The following UBE2W variants were observed in gnomAD, a reference collection of about 807,000 sequenced individuals.
UBE2W encodes the protein ubiquitin conjugating enzyme E2 W, also known as ubiquitin-conjugating enzyme E2 W.
UBE2W carries 18 observed loss-of-function variants against 27.2 expected under a neutral mutation model. The ratio of observed to expected loss-of-function variants is 0.66; its 90% CI spans 0.46 to 0.98. The LOEUF (loss-of-function observed/expected upper bound fraction) is 0.98, where lower values mean the gene tolerates loss of function less well. Ranked by LOEUF, UBE2W falls within the 50% of genes least tolerant of loss-of-function variation. The pLI, the probability that UBE2W is intolerant of heterozygous loss-of-function variation, is 0.00. For missense variants in UBE2W, 90 were observed against 180.2 expected (o/e 0.50, Z 2.87); for synonymous variants, 53 against 57.2 (o/e 0.93, Z 0.33).
At chr8:73,856,995 C>T (rs1811329028) in intron 1 of UBE2W, among the ~76,000 whole-genome samples, 1 of 152,198 alleles carries the variant, frequency 6.6e-6, no homozygotes, top group Admixed American at 6.5e-5. Context: ...ACGTGAGCCA[C>T]CATGCCCAGC....
chr8:73,875,247 C>T (rs574325163), intron 1 of UBE2W, among the ~76,000 whole-genome samples: 1 of 152,178 alleles, frequency 6.6e-6, no homozygotes, highest in African/African-American at 2.4e-5. Context: ...GCGTCCCCAG[C>T]ATTTACAGGT....
chr8:73,851,530 G>C (rs1811079453), intron 1 of UBE2W, among the ~76,000 whole-genome samples: 1 of 152,026 alleles, frequency 6.6e-6, no homozygotes, highest in South Asian at 2.1e-4. Flanking sequence ...TTGGGACAGT[G>C]ATTTTTCTTT....
chr8:73,850,814 T>C (rs1811045665), intron 1 of UBE2W, among the ~76,000 whole-genome samples: 1 of 151,840 alleles, frequency 6.6e-6, no homozygotes. Context: ...GTGAATATTT[T>C]ATAAATATTC....
At chr8:73,878,542 T>A (rs913814985) in intron 1 of UBE2W, among the ~76,000 whole-genome samples, 3 of 152,142 alleles carry the variant, frequency 2.0e-5, no homozygotes, top group Admixed American at 6.5e-5. Context: ...AACGCCAGAC[T>A]TTGCCCTTTC....
chr8:73,873,722 A>G (rs1422555627), intron 1 of UBE2W, among the ~76,000 whole-genome samples: 2 of 152,222 alleles, frequency 1.3e-5, no homozygotes, highest in African/African-American at 4.8e-5. Flanking sequence ...TCTGAAAATA[A>G]GCACACATTC....
chr8:73,867,605 G>C (rs140778174), intron 1 of UBE2W, among the ~76,000 whole-genome samples: 2,107 of 151,962 alleles, frequency 0.014, 25 homozygotes, highest in Admixed American at 0.021. Flanking sequence ...CAGCTACTCA[G>C]GAGGCTGAGG....
At chr8:73,828,203 G>T (rs1013078978) in intron 2 of UBE2W, among the ~76,000 whole-genome samples, 2 of 152,094 alleles carry the variant, frequency 1.3e-5, no homozygotes, top group African/African-American at 2.4e-5. Context: ...TTAAGCATTA[G>T]AATTTTTTTT....
chr8:73,795,805 T>C (rs929427984), intron 5 of UBE2W: 112 of 984,550 alleles, frequency 1.1e-4, no homozygotes, highest in Non-Finnish European at 1.3e-4. Context: ...TTCTTGGCAA[T>C]GCAAAGTGGC....
chr8:73,877,102 T>C (rs569669872), intron 1 of UBE2W, among the ~76,000 whole-genome samples: 1 of 152,386 alleles, frequency 6.6e-6, no homozygotes, highest in Non-Finnish European at 1.5e-5. Context: ...ACAAGTGTTG[T>C]GGATTTTAAT....
rs561078398 is a variant in UBE2W at position 73,786,875 on chromosome 8, C to T, written c.*7227G>A. Reference sequence around the variant, plus strand: ...GGATGGGAATGTCATTAAATTATAACAGGATAAAAGAAATATGTTTTCATT... The same window carrying T: ...GGATGGGAATGTCATTAAATTATAATAGGATAAAAGAAATATGTTTTCATT... On this transcript the variant is annotated 3_prime_UTR_variant, in exon 6 of 6. Transcript: ENST00000602593. 1 of 985,158 alleles carries T rather than the reference C, an allele frequency of 1.0e-6. No individual in the cohort carries two copies. Among genetic ancestry groups the T allele is most frequent in the Admixed American group, 6.1e-5 (1 of 16,262 alleles). 61.0% of individuals were successfully genotyped at this position (985,158 alleles called of 1,614,324 possible).
intron 4 of UBE2W, among the ~76,000 whole-genome samples, chr8:73,808,146 C>A (rs1334990046): frequency 1.3e-5 from 2 of 152,164 alleles, no homozygotes; most frequent in Non-Finnish European, 2.9e-5. Context: ...GTAGAATTAA[C>A]AAAGTAAAGC....
intron 1 of UBE2W, among the ~76,000 whole-genome samples, chr8:73,846,423 CT>C (rs1810801953): frequency 6.6e-6 from 1 of 152,072 alleles, no homozygotes; most frequent in Admixed American, 6.5e-5. Context: ...AGAAAAAACT[CT>C]TTGGGGCAGA....
Position 73,791,681 on chromosome 8 carries a change from T to C in UBE2W, c.*2421A>G, listed in dbSNP as rs1808208008. 1 of 985,222 alleles carries C rather than the reference T, an allele frequency of 1.0e-6. No homozygotes were observed. 61.0% of individuals were successfully genotyped at this position (985,222 alleles called of 1,614,324 possible). Reference sequence around the variant, plus strand: ...AAATTAAATCTAAGTGCAAGGAGTTTTCAATGATTCCTAAATTCAAGAGAG... The same window carrying C: ...AAATTAAATCTAAGTGCAAGGAGTTCTCAATGATTCCTAAATTCAAGAGAG... On this transcript the variant is annotated 3_prime_UTR_variant, in exon 6 of 6. Coordinates refer to ENST00000602593, the MANE Select transcript of UBE2W (RefSeq NM_018299.6).
At chr8:73,840,728 G>C (rs576769620) in intron 1 of UBE2W, among the ~76,000 whole-genome samples, 7 of 152,098 alleles carry the variant, frequency 4.6e-5, no homozygotes, top group African/African-American at 1.7e-4. Flanking sequence ...CCGCATACAG[G>C]TAAGTCAACT....
At position 73,792,566 on chromosome 8, in the gene UBE2W, C is replaced by CA; in HGVS notation, c.*1535dup. ...ACTGGGGTACGTATTTCAAACCTTT[C>CA]AGCCAACTGGCTTTCAGTTTTAAGC... On this transcript the variant is annotated 3_prime_UTR_variant, in exon 6 of 6. Coordinates refer to ENST00000602593, the MANE Select transcript of UBE2W (RefSeq NM_018299.6). 6.1e-6 allele frequency: 6 copies of CA among 985,716 alleles called. No homozygotes were observed. The highest frequency in any genetic ancestry group is 7.2e-6 in the Non-Finnish European group (6 of 829,816). 61.1% of individuals were successfully genotyped at this position (985,716 alleles called of 1,614,324 possible). A position where few individuals can be genotyped will look rare whatever the true frequency, so the allele number is the denominator to read the frequency against.
In UBE2W at chr8:73,870,894, G is replaced by C. The variant is rs1376604351; in HGVS notation, c.15+7914C>G. ...ATGTGTGAGAAGAGCATTCCAAATA[G>C]AGAAAACAACAAGCAGGAGTAGCAA... On this transcript the variant is annotated intron_variant, in intron 1 of 5. Coordinates refer to ENST00000602593, the MANE Select transcript of UBE2W (RefSeq NM_018299.6). 2.0e-5 allele frequency among the ~76,000 whole-genome samples: 3 copies of C among 149,182 alleles called. No homozygotes were observed. The Admixed American group carries it at 2.0e-4, about 10-fold the overall frequency.
At chr8:73,869,482 G>A (rs76618238) in intron 1 of UBE2W, among the ~76,000 whole-genome samples, 2 of 152,318 alleles carry the variant, frequency 1.3e-5, no homozygotes, top group African/African-American at 4.8e-5. Flanking sequence ...CTTGAGGTCA[G>A]AAGTAAGAGA....
In UBE2W at chr8:73,792,387, T is replaced by C. The variant is rs1808241622; in HGVS notation, c.*1715A>G. ...AGTTATTTCTATAGCAGACATATTT[T>C]TGAAGTCTACCCACCCCTGAGTTCA... On this transcript the variant is annotated 3_prime_UTR_variant, in exon 6 of 6. Coordinates refer to ENST00000602593, the MANE Select transcript of UBE2W (RefSeq NM_018299.6). 1.0e-6 allele frequency: 1 copy of C among 985,598 alleles called. No homozygotes were observed. The highest frequency in any genetic ancestry group is 1.7e-5 in the African/African-American group (1 of 57,234). The allele number at this position is 985,598 out of a possible 1,614,324, so 61.1% of individuals were successfully genotyped here.
At chr8:73,855,451 G>T (rs989900115) in intron 1 of UBE2W, among the ~76,000 whole-genome samples, 12 of 141,474 alleles carry the variant, frequency 8.5e-5, no homozygotes, top group African/African-American at 3.3e-4. Flanking sequence ...ACCCATGCTG[G>T]AGTGCAGTGG....
Sources: allele counts gnomAD v4.1 joint callset (sites outside exome capture counted in the v4.1 genomes callset), GRCh38; gene constraint gnomAD v4.1.1; transcripts MANE v1.5; gene names NCBI Gene and HGNC (gene_info 2026-07-23, HGNC 2026-07-21).